PARVB: variants seen among roughly 807,000 people sequenced by gnomAD.
The protein encoded by PARVB is parvin beta.
PARVB carries 46 observed loss-of-function variants against 47.0 expected under a neutral mutation model. That is an observed-to-expected ratio of 0.98 (90% CI 0.77 to 1.25). The LOEUF (loss-of-function observed/expected upper bound fraction) is 1.25. Ranked by LOEUF, PARVB falls within the 50% of genes most tolerant of loss-of-function variation. The pLI is 0.00. For synonymous variants in PARVB, 196 were observed against 196.3 expected (o/e 1.00, Z 0.01); for missense variants, 473 against 471.6 (o/e 1.00, Z -0.03).
intron 3 of PARVB, chr22:44,105,010 C>CA (rs1203492676): frequency 6.6e-6 from 1 of 152,276 alleles, no homozygotes; most frequent in Admixed American, 6.5e-5. Flanking sequence ...ACAGCACCTC[C>CA]ATTGTCCTTT....
intron 11 of PARVB, among the ~76,000 whole-genome samples, chr22:44,162,208 G>A (rs567539140): frequency 5.9e-5 from 9 of 152,372 alleles, no homozygotes; most frequent in Non-Finnish European, 1.2e-4. Context: ...ACTCAGGGAA[G>A]CCTCTTTTTC....
intron 1 of PARVB, 102 bp downstream of exon 1, chr22:44,024,553 C>T: frequency 2.4e-6 from 1 of 422,152 alleles, no homozygotes; most frequent in Non-Finnish European, 3.3e-6. Context: ...CCCCCACGCA[C>T]CCCGCCCGGC....
chr22:44,122,594 G>C (rs986644675), intron 4 of PARVB, among the ~76,000 whole-genome samples: 4 of 144,028 alleles, frequency 2.8e-5, no homozygotes, highest in African/African-American at 5.3e-5. Context: ...GAGAGAGAGA[G>C]AGAGAGAGAG....
chr22:44,051,299 T>G (rs1408788433), intron 1 of PARVB, among the ~76,000 whole-genome samples: 1 of 152,208 alleles, frequency 6.6e-6, no homozygotes, highest in East Asian at 1.9e-4. Flanking sequence ...AAAGCTGTTG[T>G]GTCACCCCGT....
At chr22:44,130,178 G>A (rs1182669749) in intron 4 of PARVB, among the ~76,000 whole-genome samples, 5 of 152,236 alleles carry the variant, frequency 3.3e-5, no homozygotes, top group South Asian at 2.1e-4. Flanking sequence ...TCAATGCCGC[G>A]TCACTGACAG....
At chr22:44,040,822 TGAAA>T (rs2051005426) in intron 1 of PARVB, among the ~76,000 whole-genome samples, 1 of 151,548 alleles carries the variant, frequency 6.6e-6, no homozygotes, top group Non-Finnish European at 1.5e-5. Flanking sequence ...GAGACCACGG[TGAAA>T]CCCCGTCTCT....
At chr22:44,069,015 C>A in intron 1 of PARVB, 2 of 1,044,748 alleles carry the variant, frequency 1.9e-6, no homozygotes, top group East Asian at 2.5e-5. Flanking sequence ...TCCTCAAAGG[C>A]TCCCCAAAGA....
chr22:44,154,764 G>T (rs1164416226), intron 10 of PARVB, among the ~76,000 whole-genome samples: 2 of 150,094 alleles, frequency 1.3e-5, no homozygotes, highest in Admixed American at 6.6e-5. Flanking sequence ...TCTGTGTGGT[G>T]TGTGTGTGGT....
chr22:44,118,953 GTC>G, intron 3 of PARVB, 83 bp from the exon 4 acceptor site: 5 of 906,864 alleles, frequency 5.5e-6, no homozygotes, highest in Non-Finnish European at 9.2e-6. Flanking sequence ...GAGCTGTGCA[GTC>G]TCTGTTTCTG....
chr22:44,002,848 C>T (rs181036878), intron 2 of PARVB, among the ~76,000 whole-genome samples: 15 of 152,188 alleles, frequency 9.9e-5, no homozygotes, highest in African/African-American at 3.4e-4. Context: ...CAGACACACA[C>T]GTCTCGGTGC....
In PARVB at chr22:44,172,895, C is replaced by T. The variant is rs2054282386; in HGVS notation, c.*4217C>T. On this transcript the variant is annotated 3_prime_UTR_variant, in exon 13 of 13. Coordinates refer to ENST00000338758, the MANE Select transcript of PARVB (RefSeq NM_013327.5). ...ATGCGGTTAGGACAATGCCACGTGG[C>T]GTCACAGTATGCTGTTATTTATTCC... 16 of 1,048,222 alleles carry T rather than the reference C, an allele frequency of 1.5e-5. No homozygotes were observed. The highest frequency in any genetic ancestry group is 6.0e-5 in the East Asian group (1 of 16,620). The allele number at this position is 1,048,222 out of a possible 1,614,324, so 64.9% of individuals were successfully genotyped here.
chr22:44,069,774 C>G (rs1690419359), intron 1 of PARVB, among the ~76,000 whole-genome samples: 1 of 152,150 alleles, frequency 6.6e-6, no homozygotes, highest in Non-Finnish European at 1.5e-5. Flanking sequence ...GGTGATCCAC[C>G]CACCTCGGCC....
intron 4 of PARVB, among the ~76,000 whole-genome samples, chr22:44,121,437 C>G (rs1297634702): frequency 2.0e-5 from 3 of 152,102 alleles, no homozygotes; most frequent in Non-Finnish European, 4.4e-5. Flanking sequence ...TAAATATCAT[C>G]TCTAAATATT....
chr22:44,012,959 C>T (rs568081790), intron 2 of PARVB, among the ~76,000 whole-genome samples: 7 of 151,564 alleles, frequency 4.6e-5, no homozygotes, highest in Admixed American at 2.0e-4. Context: ...TGCAGTTGCG[C>T]GATGTCAGCT....
intron 3 of PARVB, chr22:44,112,381 T>G (rs1189711622): frequency 6.6e-6 from 1 of 151,780 alleles, no homozygotes; most frequent in Non-Finnish European, 1.5e-5. Flanking sequence ...TGGGGGAGAG[T>G]CCAGGGTCGG....
chr22:44,057,833 C>T (rs1042477853), intron 1 of PARVB, among the ~76,000 whole-genome samples: 2 of 151,950 alleles, frequency 1.3e-5, no homozygotes, highest in African/African-American at 2.4e-5. Context: ...TGGGTTCATG[C>T]TTGCCTTGAG....
chr22:44,055,073 TG>T (rs1247088713), intron 1 of PARVB, among the ~76,000 whole-genome samples: 1 of 147,328 alleles, frequency 6.8e-6, no homozygotes, highest in Non-Finnish European at 1.5e-5. Context: ...ATTGAAAGAA[TG>T]AAAAAAAAAT....
chr22:44,161,149 G>A (rs776620919), intron 11 of PARVB, among the ~76,000 whole-genome samples: 5 of 152,054 alleles, frequency 3.3e-5, no homozygotes, highest in African/African-American at 1.2e-4. Flanking sequence ...ATGTGCATAC[G>A]TGTGTGTGAG....
At position 44,041,904 on chromosome 22, in the gene PARVB, A is replaced by C. The variant is rs140233905; in HGVS notation, c.112+17453A>C. ...TGCCTCAAAAATAAATAAATAAATA[A>C]ATACATACATACATTCATACATACC... On this transcript the variant is annotated intron_variant, in intron 1 of 12. Coordinates refer to ENST00000338758, the MANE Select transcript of PARVB (RefSeq NM_013327.5). Among the ~76,000 whole-genome samples, 79 of 151,986 alleles carry C rather than the reference A, an allele frequency of 5.2e-4. 1 individual carries two copies. The highest frequency in any genetic ancestry group is 2.7e-3 in the East Asian group (14 of 5,156).
Sources: gnomAD v4.1 joint callset for allele counts (sites outside exome capture counted in the v4.1 genomes callset) on GRCh38, gnomAD v4.1.1 for gene constraint, MANE v1.5 for transcripts, NCBI Gene and HGNC (gene_info 2026-07-23, HGNC 2026-07-21) for gene names.